Variants in TMEM196 observed in about 807,000 individuals in gnomAD.
TMEM196 encodes the protein transmembrane protein 196.
A neutral mutation model predicts 20.0 loss-of-function variants in TMEM196; 17 were observed. That is an observed-to-expected ratio of 0.85 (90% CI 0.58 to 1.27). The LOEUF is 1.27. Among genes scored for constraint, TMEM196 ranks in the 50% most tolerant of loss-of-function variants. The probability of loss-of-function intolerance (pLI) is 0.00; values close to 1 mark genes in which losing one functional copy is unlikely to be tolerated. For synonymous variants in TMEM196, 113 were observed against 88.9 expected (o/e 1.27, Z -1.52); for missense variants, 267 against 223.0 (o/e 1.20, Z -1.26).
intron 1 of TMEM196, among the ~76,000 whole-genome samples, chr7:19,770,799 A>C (rs1785840493): frequency 6.6e-6 from 1 of 152,194 alleles, no homozygotes; most frequent in African/African-American, 2.4e-5. Context: ...ATAATAGTAA[A>C]TAGTCTGAGA....
Position 19,731,371 on chromosome 7 carries a change from T to A in TMEM196, c.148-1933A>T, listed in dbSNP as rs149626984. On this transcript the variant is annotated intron_variant, in intron 1 of 4. Coordinates refer to ENST00000405844, the MANE Select transcript of TMEM196 (RefSeq NM_001363562.2). ...CTCACCACCCACTGTGTCCTAAGTGTAGATGATCATGTCCTCTTATGGACT... is the reference window on the plus strand; with the variant it reads ...CTCACCACCCACTGTGTCCTAAGTGAAGATGATCATGTCCTCTTATGGACT... Among the ~76,000 whole-genome samples the A allele has an allele frequency of 4.1e-3, 629 of 152,332 alleles. 3 individuals carry two copies. The highest frequency in any genetic ancestry group is 6.6e-3 in the Non-Finnish European group (450 of 68,026).
chr7:19,729,702 G>A (rs1372186317), intron 1 of TMEM196, among the ~76,000 whole-genome samples: 5 of 152,152 alleles, frequency 3.3e-5, no homozygotes, highest in Admixed American at 2.6e-4. Flanking sequence ...AATGAATTTA[G>A]AGCTTTGTTT....
chr7:19,732,774 C>T (rs1271930102), intron 1 of TMEM196, among the ~76,000 whole-genome samples: 1 of 151,966 alleles, frequency 6.6e-6, no homozygotes, highest in East Asian at 1.9e-4. Context: ...GAACATCAGT[C>T]AATTGTGTTA....
chr7:19,766,721 G>T (rs1256668739), intron 1 of TMEM196, among the ~76,000 whole-genome samples: 6 of 150,980 alleles, frequency 4.0e-5, no homozygotes, highest in South Asian at 4.2e-4. Context: ...GTGTATGCAA[G>T]TGCATACACA....
chr7:19,736,060 A>C (rs1354293368), intron 1 of TMEM196, among the ~76,000 whole-genome samples: 1 of 151,982 alleles, frequency 6.6e-6, no homozygotes. Context: ...TAAAAGATGT[A>C]TTTATCCTGT....
At chr7:19,766,781 C>T (rs1025410938) in intron 1 of TMEM196, among the ~76,000 whole-genome samples, 2 of 151,558 alleles carry the variant, frequency 1.3e-5, no homozygotes, top group African/African-American at 2.4e-5. Context: ...CAAGGAGAGA[C>T]ATTTCAGGGT....
chr7:19,773,228 G>C lies in TMEM196; in HGVS notation c.-532C>G, dbSNP rs1303672667. 6.6e-6 allele frequency: 1 copy of C among 152,374 alleles called. No homozygotes were observed. Among genetic ancestry groups the C allele is most frequent in the African/African-American group, 2.4e-5 (1 of 41,424 alleles). The allele number at this position is 152,374 out of a possible 1,614,324, so 9.4% of individuals were successfully genotyped here. A position where few individuals can be genotyped will look rare whatever the true frequency, so the allele number is the denominator to read the frequency against. ...CGTTCGTCACCTCTCCTTTGTTTTCGTGGCAATGCGAAGTGCTTCTGCAAG... is the reference window on the plus strand; with the variant it reads ...CGTTCGTCACCTCTCCTTTGTTTTCCTGGCAATGCGAAGTGCTTCTGCAAG... On this transcript the variant is annotated 5_prime_UTR_variant, in exon 1 of 5. Transcript: ENST00000405844.
Position 19,725,640 on chromosome 7 carries a change from C to A in TMEM196, c.333G>T (p.Ala111=). The A allele has an allele frequency of 6.2e-7, 1 of 1,614,086 alleles. No individual in the cohort carries two copies. Among genetic ancestry groups the A allele is most frequent in the South Asian group, 1.1e-5 (1 of 91,076 alleles). ...YPLHLASMSL[A]CIGIGGCTLS... ...GAGTGCAGCCCCCGATCCCAATGCA[C>A]GCGAGAGACATGGAGGCAAGGTGCA... The change falls in exon 3 of 5, where the codon GCG becomes GCT. Residue 111 remains alanine, a synonymous_variant. Transcript: ENST00000405844.
chr7:19,730,124 C>T (rs1189415315), intron 1 of TMEM196, among the ~76,000 whole-genome samples: 1 of 152,060 alleles, frequency 6.6e-6, no homozygotes, highest in Non-Finnish European at 1.5e-5. Flanking sequence ...GGCGTGGTGG[C>T]AGGCGCCTAT....
intron 1 of TMEM196, among the ~76,000 whole-genome samples, chr7:19,744,558 G>T (rs948276198): frequency 2.6e-5 from 4 of 152,066 alleles, no homozygotes; most frequent in African/African-American, 9.7e-5. Flanking sequence ...GTGGGTTTTG[G>T]GTTTTGGAGA....
rs1250135332 is a variant in TMEM196 at position 19,720,083 on chromosome 7, A to T, written c.*2045T>A. ...TCAGGAGGACCATACACACACAAAT[A>T]TCTTCATGATGTAATTTAGATTTTC... On this transcript the variant is annotated 3_prime_UTR_variant, in exon 5 of 5. Transcript: ENST00000405844. 2 of 152,102 alleles carry T rather than the reference A, an allele frequency of 1.3e-5. No individual in the cohort carries two copies. Among genetic ancestry groups the T allele is most frequent in the Non-Finnish European group, 2.9e-5 (2 of 67,942 alleles). 9.4% of individuals were successfully genotyped at this position (152,102 alleles called of 1,614,324 possible). A position where few individuals can be genotyped will look rare whatever the true frequency, so the allele number is the denominator to read the frequency against.
intron 1 of TMEM196, among the ~76,000 whole-genome samples, chr7:19,766,513 T>C (rs1351153167): frequency 1.3e-5 from 2 of 151,090 alleles, no homozygotes; most frequent in East Asian, 3.9e-4. Flanking sequence ...CTCATGTGTG[T>C]ATGTGTATAT....
At position 19,745,158 on chromosome 7, in the gene TMEM196, T is replaced by C. The variant is rs77315469; in HGVS notation, c.148-15720A>G. Among the ~76,000 whole-genome samples the C allele has an allele frequency of 7.4e-4, 113 of 152,334 alleles. 1 individual carries two copies. In the East Asian group the frequency reaches 0.017, roughly 23 times the overall value. Reference sequence around the variant, plus strand: ...TAAATTACTTTTAATGCAAAGACAATATAAATGCTACTATGTAAATAGTTG... The same window carrying C: ...TAAATTACTTTTAATGCAAAGACAACATAAATGCTACTATGTAAATAGTTG... On this transcript the variant is annotated intron_variant, in intron 1 of 4. Transcript: ENST00000405844.
intron 1 of TMEM196, among the ~76,000 whole-genome samples, chr7:19,769,992 G>C (rs1785803252): frequency 6.6e-6 from 1 of 151,952 alleles, no homozygotes; most frequent in Non-Finnish European, 1.5e-5. Context: ...AGGAAACTTG[G>C]GCTAGTCACC....
At chr7:19,732,755 A>C (rs1345325216) in intron 1 of TMEM196, among the ~76,000 whole-genome samples, 1 of 152,162 alleles carries the variant, frequency 6.6e-6, no homozygotes, top group Admixed American at 6.5e-5. Flanking sequence ...GATGTAATCA[A>C]AATAATAAGA....
intron 1 of TMEM196, among the ~76,000 whole-genome samples, chr7:19,730,262 G>GAA (rs202189627): frequency 0.015 from 1,855 of 119,778 alleles, 31 homozygotes; most frequent in African/African-American, 0.039. Context: ...TCTCAAAAAA[G>GAA]AAAAAAAAAA....
chr7:19,772,751 T>C lies in TMEM196; in HGVS notation c.-55A>G. On this transcript the variant is annotated 5_prime_UTR_variant, in exon 1 of 5. Coordinates refer to ENST00000405844, the MANE Select transcript of TMEM196 (RefSeq NM_001363562.2). Reference sequence around the variant, plus strand: ...GAGAGGGAAATCAACCATCTACCTTTTTTTCTTCCACTATCCTCCTTACCC... The same window carrying C: ...GAGAGGGAAATCAACCATCTACCTTCTTTTCTTCCACTATCCTCCTTACCC... 1 of 1,408,346 alleles carries C rather than the reference T, an allele frequency of 7.1e-7. No homozygotes were observed. The highest frequency in any genetic ancestry group is 2.8e-5 in the East Asian group (1 of 35,138). The allele number at this position is 1,408,346 out of a possible 1,614,324, so 87.2% of individuals were successfully genotyped here. A position where few individuals can be genotyped will look rare whatever the true frequency, so the allele number is the denominator to read the frequency against.
chr7:19,767,137 C>A (rs1785663860), intron 1 of TMEM196, among the ~76,000 whole-genome samples: 1 of 151,888 alleles, frequency 6.6e-6, no homozygotes, highest in South Asian at 2.1e-4. Context: ...GATAGAAATT[C>A]CAGTATGTGC....
intron 1 of TMEM196, among the ~76,000 whole-genome samples, chr7:19,747,920 CGAA>C (rs1211170587): frequency 2.0e-5 from 3 of 152,092 alleles, no homozygotes; most frequent in African/African-American, 7.2e-5. Flanking sequence ...TTCTAGTCTC[CGAA>C]GAAGTACTTT....
Sources: allele counts gnomAD v4.1 joint callset (sites outside exome capture counted in the v4.1 genomes callset), GRCh38; gene constraint gnomAD v4.1.1; transcripts MANE v1.5; gene names NCBI Gene and HGNC (gene_info 2026-07-23, HGNC 2026-07-21).